The following LRSAM1 variants were observed in gnomAD, a reference collection of about 807,000 sequenced individuals.
The protein encoded by LRSAM1 is E3 ubiquitin-protein ligase LRSAM1.
A neutral mutation model predicts 118.1 loss-of-function variants in LRSAM1; 96 were observed. The observed-to-expected ratio is 0.81, with a 90% CI of 0.69 to 0.96. The LOEUF (loss-of-function observed/expected upper bound fraction) is 0.96, where lower values mean the gene tolerates loss of function less well. Among genes scored for constraint, LRSAM1 ranks in the 40% least tolerant of loss-of-function variants. The pLI is 0.00. For synonymous variants in LRSAM1, 322 were observed against 364.2 expected, an observed-to-expected ratio of 0.88 and a Z score of 1.32; for missense variants, 804 against 915.5, an observed-to-expected ratio of 0.88 and a Z score of 1.57.
In LRSAM1 at chr9:127,501,018, C is replaced by T. The variant is rs1479286608; in HGVS notation, c.1921C>T (p.Pro641Ser). The part of the protein sequence containing the change: ...DAARIQPELK[P>S]PMGEVVTPTA... Reference sequence around the variant, plus strand: ...CTGTCTGGTCCCCACAGAGCTGAAACCACCAATGGGTGAGGTCGTCACCCC... The same window carrying T: ...CTGTCTGGTCCCCACAGAGCTGAAATCACCAATGGGTGAGGTCGTCACCCC... Residue 641 changes from proline to serine, a missense_variant, in exon 25 of 26, where the codon CCA becomes TCA. Transcript: ENST00000300417. 4.3e-6 allele frequency: 7 copies of T among 1,613,874 alleles called. No homozygotes were observed. Among genetic ancestry groups the T allele is most frequent in the South Asian group, 3.3e-5 (3 of 91,080 alleles).
In LRSAM1 at chr9:127,481,239, T is replaced by C; in HGVS notation, c.1088+12T>C. ...CTGGAAAATGAAAGGTAAGTGTTCTTCCAGGGGAGGGCAGCATTTTTTTTT... is the reference window on the plus strand; with the variant it reads ...CTGGAAAATGAAAGGTAAGTGTTCTCCCAGGGGAGGGCAGCATTTTTTTTT... On this transcript the variant is annotated intron_variant, in intron 15 of 25. Transcript: ENST00000300417. The C allele has an allele frequency of 6.2e-7, 1 of 1,611,518 alleles. No homozygotes were observed. The highest frequency in any genetic ancestry group is 8.5e-7 in the Non-Finnish European group (1 of 1,179,422).
At chr9:127,481,021 G>A (rs916392154) in intron 14 of LRSAM1, among the ~76,000 whole-genome samples, 162 bp from the exon 15 acceptor site, 22 of 152,070 alleles carry the variant, frequency 1.4e-4, no homozygotes, top group African/African-American at 4.8e-4. Flanking sequence ...GGAAACCTGG[G>A]ACTTGAGTGG....
intron 15 of LRSAM1, among the ~76,000 whole-genome samples, chr9:127,482,697 G>T (rs1381520043): frequency 1.3e-5 from 2 of 152,182 alleles, no homozygotes; most frequent in Non-Finnish European, 2.9e-5. Context: ...TTGAATTTCA[G>T]CATTGGCTAT....
intron 6 of LRSAM1, 87 bp downstream of exon 6, chr9:127,457,480 G>GC: frequency 8.2e-7 from 1 of 1,221,168 alleles, no homozygotes; most frequent in East Asian, 2.5e-5. Flanking sequence ...GCTGCCTCTT[G>GC]CATGTCAGAG....
At chr9:127,496,575 T>C (rs1836153176) in intron 23 of LRSAM1, among the ~76,000 whole-genome samples, 1 of 152,210 alleles carries the variant, frequency 6.6e-6, no homozygotes, top group African/African-American at 2.4e-5. Flanking sequence ...TTTTAAGCAC[T>C]TTTTGTATTC....
Position 127,473,902 on chromosome 9 carries a change from A to C in LRSAM1, c.721A>C (p.Arg241=). 6.2e-7 allele frequency: 1 copy of C among 1,614,254 alleles called. No individual in the cohort carries two copies. Among genetic ancestry groups the C allele is most frequent in the Non-Finnish European group, 8.5e-7 (1 of 1,180,046 alleles). Residue 241 remains arginine (R), a synonymous_variant, in exon 11 of 26, where the codon AGA becomes CGA. Transcript: ENST00000300417. ...SRDSPDGPTD[R]FSREELEWQN... ...GGACAGCCCTGATGGGCCCACGGACAGATTCTCAAGGGAGGAGTTAGAGTG... is the reference window on the plus strand; with the variant it reads ...GGACAGCCCTGATGGGCCCACGGACCGATTCTCAAGGGAGGAGTTAGAGTG...
chr9:127,478,771 TC>T (rs1351905849), intron 11 of LRSAM1, among the ~76,000 whole-genome samples, 162 bp from the exon 12 acceptor site: 3 of 152,126 alleles, frequency 2.0e-5, no homozygotes, highest in Non-Finnish European at 4.4e-5. Context: ...GTGCCCTTGA[TC>T]AATACGGATC....
intron 21 of LRSAM1, 87 bp from the exon 22 acceptor site, chr9:127,495,233 A>T: frequency 7.9e-7 from 1 of 1,272,750 alleles, no homozygotes; most frequent in Non-Finnish European, 1.1e-6. Context: ...GATTACAGGC[A>T]TGAGCCACCG....
chr9:127,461,617 G>C (rs1834750315), intron 8 of LRSAM1, among the ~76,000 whole-genome samples: 1 of 152,244 alleles, frequency 6.6e-6, no homozygotes, highest in South Asian at 2.1e-4. Flanking sequence ...CTCCAGCGAC[G>C]CACCAAGCCT....
At chr9:127,453,890 C>G (rs1247500785) in intron 2 of LRSAM1, 1 of 167,588 alleles carries the variant, frequency 6.0e-6, no homozygotes, top group Non-Finnish European at 1.3e-5. Context: ...CCCCTGACCC[C>G]ATGGAACTCA....
At chr9:127,497,230 T>C in intron 23 of LRSAM1, 23 bp from the exon 24 acceptor site, 2 of 1,612,188 alleles carry the variant, frequency 1.2e-6, no homozygotes, top group Non-Finnish European at 1.7e-6. Context: ...GGCCACAGTC[T>C]GCACTTCCTT....
rs571160354 is a variant in LRSAM1, at chr9:127,458,380, C to T, written c.253-623C>T. On this transcript the variant is annotated intron_variant, in intron 6 of 25. Transcript: ENST00000300417. ...GTCCGGCGTGGGCGACAGAGCGAGA[C>T]TTCGTCTCAAAAACAAAACAAAACA... Among the ~76,000 whole-genome samples, 123 of 147,522 alleles carry T rather than the reference C, an allele frequency of 8.3e-4. 2 individuals carry two copies. The highest frequency in any genetic ancestry group is 3.0e-3 in the African/African-American group (118 of 39,222).
At chr9:127,498,431 T>A (rs1329716003) in intron 24 of LRSAM1, among the ~76,000 whole-genome samples, 1 of 152,206 alleles carries the variant, frequency 6.6e-6, no homozygotes, top group Non-Finnish European at 1.5e-5. Flanking sequence ...AAGCCTCACG[T>A]GAGCAGGAGC....
intron 15 of LRSAM1, 146 bp downstream of exon 15, chr9:127,481,373 C>A: frequency 1.3e-6 from 1 of 793,436 alleles, no homozygotes; most frequent in Non-Finnish European, 2.1e-6. Flanking sequence ...CTGCCTCAGC[C>A]TCCCGAGTAG....
At position 127,496,074 on chromosome 9, in the gene LRSAM1, G is replaced by A. The variant is rs1203810757; in HGVS notation, c.1809G>A (p.Met603Ile). The A allele has an allele frequency of 6.2e-7, 1 of 1,610,898 alleles. No individual in the cohort carries two copies. The highest frequency in any genetic ancestry group is 1.1e-5 in the South Asian group (1 of 91,074). ...TCTCACTGGACCTGCTGAGCCAAATGAGCCCAGGGGACCTGGCCAAGGTGG... is the reference window on the plus strand; with the variant it reads ...TCTCACTGGACCTGCTGAGCCAAATAAGCCCAGGGGACCTGGCCAAGGTGG... ...HRLSLDLLSQ[M>I]SPGDLAKVGV... The change falls in exon 23 of 26, where the codon ATG becomes ATA. Residue 603 changes from methionine to isoleucine, a missense_variant. By Grantham distance (10) the Met-to-Ile change is conservative. Transcript: ENST00000300417.
chr9:127,500,114 G>A (rs917528346), intron 24 of LRSAM1, among the ~76,000 whole-genome samples: 13 of 149,930 alleles, frequency 8.7e-5, no homozygotes, highest in Non-Finnish European at 1.0e-4. Context: ...TAATCCCAGC[G>A]CTCTGGGAGG....
Position 127,481,245 on chromosome 9 carries a change from G to T in LRSAM1, c.1088+18G>T. Reference sequence around the variant, plus strand: ...AATGAAAGGTAAGTGTTCTTCCAGGGGAGGGCAGCATTTTTTTTTTTTTTT... The same window carrying T: ...AATGAAAGGTAAGTGTTCTTCCAGGTGAGGGCAGCATTTTTTTTTTTTTTT... On this transcript the variant is annotated intron_variant, in intron 15 of 25. Transcript: ENST00000300417. The T allele has an allele frequency of 1.2e-6, 2 of 1,612,058 alleles. No individual in the cohort carries two copies. Among genetic ancestry groups the T allele is most frequent in the Non-Finnish European group, 1.7e-6 (2 of 1,179,708 alleles).
chr9:127,500,939 C>T, intron 24 of LRSAM1, 71 bp from the exon 25 acceptor site: 1 of 1,609,970 alleles, frequency 6.2e-7, no homozygotes, highest in Non-Finnish European at 8.5e-7. Context: ...TGGGCAGGGC[C>T]ACAATGAGCC....
intron 20 of LRSAM1, 21 bp downstream of exon 20, chr9:127,491,316 C>G: frequency 6.2e-7 from 1 of 1,600,504 alleles, no homozygotes; most frequent in Non-Finnish European, 8.6e-7. Flanking sequence ...CTCCCTGCCC[C>G]TGCCCTCCTT....
Sources: gnomAD v4.1 joint callset for allele counts (sites outside exome capture counted in the v4.1 genomes callset) on GRCh38, gnomAD v4.1.1 for gene constraint, MANE v1.5 for transcripts, NCBI Gene and HGNC (gene_info 2026-07-23, HGNC 2026-07-21) for gene names.